Variants in CHST11 observed in about 807,000 individuals in gnomAD.
CHST11 encodes C4S-1.
CHST11 carries 9 observed loss-of-function variants against 30.4 expected under a neutral mutation model. The ratio of observed to expected loss-of-function variants is 0.30; its 90% CI spans 0.18 to 0.52. The LOEUF (loss-of-function observed/expected upper bound fraction) is 0.52, where lower values mean the gene tolerates loss of function less well. Among genes scored for constraint, CHST11 ranks in the 20% least tolerant of loss-of-function variants. CHST11 has a pLI of 0.97. For synonymous variants in CHST11, 152 were observed against 187.8 expected (o/e 0.81, Z 1.56); for missense variants, 348 against 460.6 (o/e 0.76, Z 2.24).
chr12:104,548,069 G>T (rs542536877), intron 1 of CHST11, among the ~76,000 whole-genome samples: 39 of 152,330 alleles, frequency 2.6e-4, no homozygotes, highest in African/African-American at 8.4e-4. Flanking sequence ...TGGGCCTTCT[G>T]TTACTTGTAA....
chr12:104,696,154 A>G (rs1438707782), intron 2 of CHST11, among the ~76,000 whole-genome samples: 1 of 152,020 alleles, frequency 6.6e-6, no homozygotes, highest in African/African-American at 2.4e-5. Context: ...AATGGTTTCC[A>G]AGCCTTCTGT....
Position 104,757,043 on chromosome 12 carries a change from G to A in CHST11, c.299G>A (p.Arg100Lys). ...AACAGCGCCACAAGCCGTAAGCGGAGGGTGCTGACCCCCAACGACCTGAAG... is the reference window on the plus strand; with the variant it reads ...AACAGCGCCACAAGCCGTAAGCGGAAGGTGCTGACCCCCAACGACCTGAAG... The part of the protein sequence containing the change: ...RANSATSRKR[R>K]VLTPNDLKHL... Residue 100 changes from arginine (R) to lysine (K), a missense_variant, in exon 3 of 3, where the codon AGG (arginine) becomes AAG (lysine). Arg to Lys is a conservative substitution (Grantham distance 26). Transcript: ENST00000303694. The surrounding 1 kb of genome is among the most constrained non-coding windows in gnomAD (Gnocchi z 6.5). 1.2e-6 allele frequency: 2 copies of A among 1,614,114 alleles called. No homozygotes were observed. The highest frequency in any genetic ancestry group is 1.7e-6 in the Non-Finnish European group (2 of 1,180,036).
chr12:104,459,604 T>C (rs562618043), intron 1 of CHST11, among the ~76,000 whole-genome samples: 21 of 152,346 alleles, frequency 1.4e-4, no homozygotes, highest in African/African-American at 3.8e-4. Flanking sequence ...AGAAAGAAAC[T>C]TCCAACTTGT....
intron 1 of CHST11, among the ~76,000 whole-genome samples, chr12:104,492,618 T>C (rs144603633): frequency 6.6e-6 from 1 of 152,308 alleles, no homozygotes; most frequent in East Asian, 1.9e-4. Flanking sequence ...AAGTAAAGAA[T>C]AGGATCCCTT....
chr12:104,532,588 T>C (rs1228816151), intron 1 of CHST11, among the ~76,000 whole-genome samples: 1 of 152,182 alleles, frequency 6.6e-6, no homozygotes, highest in East Asian at 1.9e-4. Context: ...AGAAGCTCTC[T>C]ACACCCCTTC....
intron 2 of CHST11, among the ~76,000 whole-genome samples, chr12:104,654,159 G>A (rs977644938): frequency 1.3e-5 from 2 of 152,150 alleles, no homozygotes; most frequent in Non-Finnish European, 2.9e-5. Context: ...TCAGTAAGGG[G>A]AGCTTTTTGA....
chr12:104,720,685 C>T (rs2040168420), intron 2 of CHST11, among the ~76,000 whole-genome samples: 1 of 151,838 alleles, frequency 6.6e-6, no homozygotes, highest in Non-Finnish European at 1.5e-5. Context: ...ACACCACGAG[C>T]TTTCTGTTGC....
intron 2 of CHST11, among the ~76,000 whole-genome samples, chr12:104,642,045 C>T (rs780245800): frequency 2.0e-5 from 3 of 152,114 alleles, no homozygotes; most frequent in Non-Finnish European, 4.4e-5. Context: ...CTATGGTGCA[C>T]AGGACAATCC....
At chr12:104,633,013 A>G (rs888103530) in intron 2 of CHST11, among the ~76,000 whole-genome samples, 2 of 152,198 alleles carry the variant, frequency 1.3e-5, no homozygotes, top group Admixed American at 1.3e-4. Context: ...GGCTGAAGCC[A>G]TCTCTCATTT....
At chr12:104,707,214 A>G (rs1371636035) in intron 2 of CHST11, among the ~76,000 whole-genome samples, 2 of 152,234 alleles carry the variant, frequency 1.3e-5, no homozygotes, top group Non-Finnish European at 2.9e-5. Context: ...CCAAGAATCT[A>G]GAAAAGTAGT....
chr12:104,721,281 T>C (rs1310556356), intron 2 of CHST11, among the ~76,000 whole-genome samples: 1 of 152,000 alleles, frequency 6.6e-6, no homozygotes, highest in Non-Finnish European at 1.5e-5. Flanking sequence ...GTGTCTCTCT[T>C]TCTCTCCCAC....
chr12:104,529,627 A>G (rs544788421), intron 1 of CHST11, among the ~76,000 whole-genome samples: 2 of 152,316 alleles, frequency 1.3e-5, no homozygotes, highest in South Asian at 2.1e-4. Flanking sequence ...GCCATCTTCA[A>G]TGTATGCCTT....
At chr12:104,713,785 G>A (rs2040107005) in intron 2 of CHST11, among the ~76,000 whole-genome samples, 1 of 152,208 alleles carries the variant, frequency 6.6e-6, no homozygotes, top group Non-Finnish European at 1.5e-5. Context: ...TGCAGCCAGG[G>A]CTTCCTAACC....
At chr12:104,524,035 CTT>C (rs2038099601) in intron 1 of CHST11, among the ~76,000 whole-genome samples, 1 of 109,282 alleles carries the variant, frequency 9.2e-6, no homozygotes, top group Non-Finnish European at 1.8e-5. Context: ...TGTTTTCTTT[CTT>C]TCTTTTTTTT....
At chr12:104,466,017 G>A (rs1024052720) in intron 1 of CHST11, among the ~76,000 whole-genome samples, 3 of 151,732 alleles carry the variant, frequency 2.0e-5, no homozygotes, top group Non-Finnish European at 2.9e-5. Flanking sequence ...CCGCCATCAC[G>A]CCCAGCCAAT....
chr12:104,608,353 TA>T (rs1445646259), intron 2 of CHST11, among the ~76,000 whole-genome samples: 2 of 152,064 alleles, frequency 1.3e-5, no homozygotes, highest in Non-Finnish European at 2.9e-5. Context: ...CCTGTGCAAA[TA>T]ACTCCCCATC....
intron 2 of CHST11, among the ~76,000 whole-genome samples, chr12:104,653,046 G>A (rs867492887): frequency 6.6e-6 from 1 of 152,128 alleles, no homozygotes; most frequent in African/African-American, 2.4e-5. Flanking sequence ...TAAGTGTACA[G>A]TTCTGTAGAG....
At chr12:104,540,702 A>G (rs1222495305) in intron 1 of CHST11, among the ~76,000 whole-genome samples, 2 of 149,554 alleles carry the variant, frequency 1.3e-5, no homozygotes, top group African/African-American at 4.9e-5. Context: ...GTGAAACCGC[A>G]GGGTTCAGTC....
chr12:104,758,827 G>A lies in CHST11; in HGVS notation c.*1024G>A, dbSNP rs771847732. On this transcript the variant is annotated 3_prime_UTR_variant, in exon 3 of 3. Transcript: ENST00000303694. ...ACTTTATATTCGTGAGTGATCCCAA[G>A]CTCACTGACCAACAGAAAAGATGCT... is the stretch of plus-strand genomic sequence containing the variant. 6.6e-6 allele frequency: 1 copy of A among 152,170 alleles called. No homozygotes were observed. The highest frequency in any genetic ancestry group is 2.1e-4 in the South Asian group (1 of 4,822). 9.4% of individuals were successfully genotyped at this position (152,170 alleles called of 1,614,324 possible). A position where few individuals can be genotyped will look rare whatever the true frequency, so the allele number is the denominator to read the frequency against.
Sources: allele counts gnomAD v4.1 joint callset (sites outside exome capture counted in the v4.1 genomes callset), GRCh38; gene constraint gnomAD v4.1.1; non-coding constraint Gnocchi (gnomAD v3.1); transcripts MANE v1.5; gene names NCBI Gene and HGNC (gene_info 2026-07-23, HGNC 2026-07-21).